STT3B: variants seen among roughly 807,000 people sequenced by gnomAD.
The protein encoded by STT3B is dolichyl-diphosphooligosaccharide--protein glycosyltransferase subunit STT3B.
Under a neutral mutation model 96.8 loss-of-function variants are expected in STT3B, and 29 were observed. The ratio of observed to expected loss-of-function variants is 0.30; its 90% CI spans 0.22 to 0.41. The LOEUF is 0.41. Ranked by LOEUF, STT3B falls within the 10% of genes least tolerant of loss-of-function variation. The pLI is 1.00. For synonymous variants in STT3B, 367 were observed against 360.0 expected, an observed-to-expected ratio of 1.02 and a Z score of -0.22; for missense variants, 640 against 1,022.3, an observed-to-expected ratio of 0.63 and a Z score of 5.10.
At chr3:31,602,231 A>G (rs2125464416) in intron 5 of STT3B, among the ~76,000 whole-genome samples, 1 of 152,250 alleles carries the variant, frequency 6.6e-6, no homozygotes. Context: ...ACACCTATGT[A>G]TTTCTCTACC....
intron 1 of STT3B, among the ~76,000 whole-genome samples, chr3:31,558,361 C>T (rs1200280660): frequency 6.6e-6 from 1 of 152,100 alleles, no homozygotes; most frequent in Non-Finnish European, 1.5e-5. Context: ...TATGCATAGT[C>T]TGAGAGCTTT....
chr3:31,551,559 G>C (rs1231139566), intron 1 of STT3B, among the ~76,000 whole-genome samples: 1 of 152,080 alleles, frequency 6.6e-6, no homozygotes, highest in African/African-American at 2.4e-5. Context: ...TCCATAATTG[G>C]TCATTTCTGT....
Position 31,559,443 on chromosome 3 carries a change from A to G in STT3B, c.315-16953A>G, listed in dbSNP as rs142363545. 5.0e-4 allele frequency among the ~76,000 whole-genome samples: 75 copies of G among 150,702 alleles called. 2 individuals are homozygous for G. The East Asian group carries it at 0.012, about 25-fold the overall frequency. On this transcript the variant is annotated intron_variant, in intron 1 of 15. Transcript: ENST00000295770. ...AAATTTTTTTTATTTTCTCCTTTAA[A>G]ATTTTTTCCTTCACCCAGTGGCCAT...
chr3:31,615,398 G>T (rs576584083), intron 6 of STT3B, among the ~76,000 whole-genome samples, 195 bp downstream of exon 6: 25 of 151,948 alleles, frequency 1.6e-4, no homozygotes, highest in African/African-American at 6.0e-4. Context: ...CCCATTGGAA[G>T]TCTGTGGGTA....
intron 8 of STT3B, among the ~76,000 whole-genome samples, chr3:31,618,648 T>G (rs1699363384): frequency 6.6e-6 from 1 of 151,972 alleles, no homozygotes; most frequent in Admixed American, 6.5e-5. Context: ...AAAAAACAAT[T>G]TATTGAACAG....
chr3:31,573,089 C>T (rs1234656436), intron 1 of STT3B, among the ~76,000 whole-genome samples: 3 of 151,976 alleles, frequency 2.0e-5, no homozygotes, highest in African/African-American at 7.3e-5. Flanking sequence ...AGGGGATTAG[C>T]AGTCTTAACG....
chr3:31,617,194 T>C, intron 7 of STT3B, 119 bp downstream of exon 7: 1 of 813,138 alleles, frequency 1.2e-6, no homozygotes, highest in Non-Finnish European at 1.7e-6. Flanking sequence ...TTCTTTTTTT[T>C]TTTTTTTGAA....
intron 3 of STT3B, among the ~76,000 whole-genome samples, chr3:31,585,634 C>T (rs1483590491): frequency 6.6e-6 from 1 of 151,890 alleles, no homozygotes; most frequent in Non-Finnish European, 1.5e-5. Flanking sequence ...AGTCAGTCTT[C>T]TCCCTACCCC....
chr3:31,617,898 A>G, intron 7 of STT3B, 42 bp from the exon 8 acceptor site: 1 of 1,387,472 alleles, frequency 7.2e-7, no homozygotes, highest in Non-Finnish European at 1.0e-6. Flanking sequence ...TTACAAAATA[A>G]TAAAAAGGCA....
intron 1 of STT3B, among the ~76,000 whole-genome samples, chr3:31,538,022 T>C (rs1285896934): frequency 6.6e-6 from 1 of 152,178 alleles, no homozygotes; most frequent in Non-Finnish European, 1.5e-5. Flanking sequence ...TGCAGTTAAC[T>C]TGAATTATAA....
At chr3:31,535,895 G>A (rs1232458785) in intron 1 of STT3B, among the ~76,000 whole-genome samples, 14 of 152,090 alleles carry the variant, frequency 9.2e-5, no homozygotes, top group Admixed American at 9.2e-4. Context: ...TTAATTAAAT[G>A]TTTATATTCA....
chr3:31,559,349 A>ACTTCTCT (rs111759428), intron 1 of STT3B, among the ~76,000 whole-genome samples: 5 of 148,962 alleles, frequency 3.4e-5, no homozygotes, highest in African/African-American at 1.2e-4. Flanking sequence ...ATTGCTATAA[A>ACTTCTCT]CTTAGCATGG....
intron 8 of STT3B, among the ~76,000 whole-genome samples, chr3:31,619,003 G>A (rs1699373199): frequency 6.6e-6 from 1 of 151,840 alleles, no homozygotes; most frequent in Non-Finnish European, 1.5e-5. Flanking sequence ...GAATCTCAGG[G>A]TGTTTCAGTA....
chr3:31,557,698 T>C (rs1247173015), intron 1 of STT3B, among the ~76,000 whole-genome samples: 1 of 152,198 alleles, frequency 6.6e-6, no homozygotes, highest in Non-Finnish European at 1.5e-5. Context: ...AGTGGCGCAG[T>C]CTCGGCTCAC....
At chr3:31,592,707 C>CT (rs1698693292) in intron 3 of STT3B, among the ~76,000 whole-genome samples, 1 of 152,094 alleles carries the variant, frequency 6.6e-6, no homozygotes, top group African/African-American at 2.4e-5. Context: ...TTTTCATGTG[C>CT]TTATTGCCCA....
intron 15 of STT3B, among the ~76,000 whole-genome samples, chr3:31,635,657 A>C (rs1699742543): frequency 6.6e-6 from 1 of 152,178 alleles, no homozygotes; most frequent in Non-Finnish European, 1.5e-5. Flanking sequence ...CTGATTCCTT[A>C]GTCTAGTGTT....
At chr3:31,536,635 G>C (rs1010134027) in intron 1 of STT3B, among the ~76,000 whole-genome samples, 1 of 152,146 alleles carries the variant, frequency 6.6e-6, no homozygotes. Context: ...TATCTTACCA[G>C]TTGTCATAAG....
At position 31,579,954 on chromosome 3, in the gene STT3B, G is replaced by A; in HGVS notation, c.569G>A (p.Arg190Lys). The A allele has an allele frequency of 6.2e-7, 1 of 1,613,846 alleles. No individual in the cohort carries two copies. Among genetic ancestry groups the A allele is most frequent in the Non-Finnish European group, 8.5e-7 (1 of 1,179,834 alleles). Residue 190 changes from arginine (R) to lysine (K), a missense_variant, in exon 3 of 16, where the codon AGA (arginine) becomes AAA (lysine). Coordinates refer to ENST00000295770, the MANE Select transcript of STT3B (RefSeq NM_178862.3). ...LTSISTFLLTRELWNQGAGLL... is the reference protein window; with the variant it reads ...LTSISTFLLTKELWNQGAGLL... ...TCTATATCTACTTTCCTGCTTACAAGAGAACTTTGGAACCAAGGAGCAGGA... is the reference window on the plus strand; with the variant it reads ...TCTATATCTACTTTCCTGCTTACAAAAGAACTTTGGAACCAAGGAGCAGGA...
intron 1 of STT3B, among the ~76,000 whole-genome samples, chr3:31,543,881 A>G (rs938901256): frequency 1.3e-5 from 2 of 152,230 alleles, no homozygotes; most frequent in African/African-American, 4.8e-5. Context: ...CTCACTAGTT[A>G]GGGAACATTG....
Sources: gnomAD v4.1 joint callset for allele counts (sites outside exome capture counted in the v4.1 genomes callset) on GRCh38, gnomAD v4.1.1 for gene constraint, MANE v1.5 for transcripts, NCBI Gene and HGNC (gene_info 2026-07-23, HGNC 2026-07-21) for gene names.